Variants in PPP2R5A observed in about 807,000 individuals in gnomAD.
The protein encoded by PPP2R5A is serine/threonine-protein phosphatase 2A 56 kDa regulatory subunit alpha isoform.
In PPP2R5A, 25 loss-of-function variants were observed where a neutral mutation model predicts 64.2. The observed-to-expected ratio is 0.39, with a 90% CI of 0.28 to 0.54. The LOEUF (loss-of-function observed/expected upper bound fraction) is 0.54, where lower values mean the gene tolerates loss of function less well. PPP2R5A is among the 20% of genes least tolerant of loss of function. The pLI is 0.67. For missense variants in PPP2R5A, 425 were observed against 576.3 expected (o/e 0.74, Z 2.69); for synonymous variants, 198 against 201.2 (o/e 0.98, Z 0.13).
At chr1:212,346,216 G>A (rs942191748) in intron 5 of PPP2R5A, among the ~76,000 whole-genome samples, 5 of 151,794 alleles carry the variant, frequency 3.3e-5, no homozygotes, top group African/African-American at 4.8e-5. Flanking sequence ...TATGTACGTA[G>A]TATATATATG....
chr1:212,318,291 GTTTT>G (rs397771144), intron 1 of PPP2R5A, among the ~76,000 whole-genome samples: 2 of 149,282 alleles, frequency 1.3e-5, no homozygotes, highest in Non-Finnish European at 3.0e-5. Flanking sequence ...AGGCATATCT[GTTTT>G]TTTTTTAAGG....
At chr1:212,357,663 C>T (rs1156836373) in intron 11 of PPP2R5A, among the ~76,000 whole-genome samples, 4 of 151,962 alleles carry the variant, frequency 2.6e-5, no homozygotes, top group Non-Finnish European at 4.4e-5. Flanking sequence ...ATTAGCCGGG[C>T]GTGGTGGCGG....
At chr1:212,349,963 G>T (rs980350313) in intron 8 of PPP2R5A, among the ~76,000 whole-genome samples, 6 of 152,184 alleles carry the variant, frequency 3.9e-5, no homozygotes, top group Non-Finnish European at 5.9e-5. Context: ...GGCATGTTCA[G>T]TCTAAATATT....
chr1:212,355,046 A>ATAACTGTATTTGTAG (rs1659955052), intron 8 of PPP2R5A, among the ~76,000 whole-genome samples: 1 of 152,232 alleles, frequency 6.6e-6, no homozygotes, highest in African/African-American at 2.4e-5. Context: ...TAAATGACAT[A>ATAACTGTATTTGTAG]TAACTGTATT....
intron 1 of PPP2R5A, among the ~76,000 whole-genome samples, chr1:212,320,474 C>A (rs766630990): frequency 6.6e-6 from 1 of 152,284 alleles, no homozygotes; most frequent in East Asian, 1.9e-4. Flanking sequence ...ACCTCCCAGA[C>A]GGGGTGGTGG....
chr1:212,342,058 AC>A, intron 3 of PPP2R5A, 129 bp from the exon 4 acceptor site: 1 of 1,338,014 alleles, frequency 7.5e-7, no homozygotes, highest in Non-Finnish European at 9.8e-7. Context: ...TCAACTCATT[AC>A]ATTTTATAAT....
intron 1 of PPP2R5A, chr1:212,309,321 G>C: frequency 6.6e-7 from 1 of 1,519,518 alleles, no homozygotes; most frequent in East Asian, 2.3e-5. Context: ...TGTTTCTCCT[G>C]GGGGCGCTCT....
chr1:212,357,318 T>C, intron 11 of PPP2R5A, 34 bp downstream of exon 11: 1 of 461,268 alleles, frequency 2.2e-6, no homozygotes. Flanking sequence ...TATTTTTTTC[T>C]TTTTTTTTTT....
intron 8 of PPP2R5A, among the ~76,000 whole-genome samples, chr1:212,355,372 T>G (rs990190387): frequency 2.6e-5 from 4 of 152,188 alleles, no homozygotes; most frequent in Non-Finnish European, 5.9e-5. Flanking sequence ...ATTCATCACA[T>G]TGTTATCTTA....
intron 1 of PPP2R5A, among the ~76,000 whole-genome samples, chr1:212,297,096 C>CTTTTTTTTTTTTTTTTTTTTTT (rs869112186): frequency 9.7e-5 from 8 of 82,666 alleles, no homozygotes; most frequent in Non-Finnish European, 1.5e-4. Context: ...TTTGCTTCTT[C>CTTTTTTTTTTTTTTTTTTTTTT]TTTTTTTTTT....
intron 11 of PPP2R5A, 98 bp from the exon 12 acceptor site, chr1:212,358,588 G>A (rs1028524759): frequency 6.4e-5 from 52 of 817,814 alleles, no homozygotes; most frequent in Non-Finnish European, 1.0e-4. Flanking sequence ...TGGATTAAAT[G>A]AAATCAGCCA....
chr1:212,335,279 A>C (rs1454107171), intron 3 of PPP2R5A, among the ~76,000 whole-genome samples: 2 of 152,062 alleles, frequency 1.3e-5, no homozygotes, highest in Non-Finnish European at 2.9e-5. Flanking sequence ...CAGGAGTTCC[A>C]GACCAGCCTA....
chr1:212,353,236 C>T (rs1359909350), intron 8 of PPP2R5A, among the ~76,000 whole-genome samples: 1 of 152,204 alleles, frequency 6.6e-6, no homozygotes, highest in East Asian at 1.9e-4. Context: ...ACCCAGGCTT[C>T]TCCAGCATGG....
rs111478057 is a variant in PPP2R5A, at chr1:212,333,486, T to C, written c.379-11T>C. The C allele has an allele frequency of 1.3e-4, 193 of 1,471,262 alleles. 1 individual carries two copies. In the African/African-American group the frequency reaches 2.4e-3, roughly 18 times the overall value. The allele number at this position is 1,471,262 out of a possible 1,614,324, so 91.1% of individuals were successfully genotyped here. A position where few individuals can be genotyped will look rare whatever the true frequency, so the allele number is the denominator to read the frequency against. The stretch of plus-strand genomic sequence containing the variant: ...TACAACAACGAACGTAAAATTATTT[T>C]TTCTTTACAGATCAGTGCTAACATC... On this transcript the variant is annotated splice_polypyrimidine_tract_variant and intron_variant, in intron 2 of 12. Coordinates refer to ENST00000261461, the MANE Select transcript of PPP2R5A (RefSeq NM_006243.4).
chr1:212,343,209 T>A (rs180904239), intron 4 of PPP2R5A, among the ~76,000 whole-genome samples: 1 of 152,240 alleles, frequency 6.6e-6, no homozygotes, highest in East Asian at 1.9e-4. Context: ...CACCTCAGCC[T>A]CCTAAAGAGC....
intron 11 of PPP2R5A, chr1:212,357,789 C>CAAG (rs1230560839): frequency 2.3e-5 from 3 of 128,684 alleles, no homozygotes; most frequent in Non-Finnish European, 5.0e-5. Flanking sequence ...GGCGACAGAG[C>CAAG]AAGATTCCGT....
chr1:212,319,170 AAATTC>A (rs1399054161), intron 1 of PPP2R5A, among the ~76,000 whole-genome samples: 2 of 152,236 alleles, frequency 1.3e-5, no homozygotes, highest in Non-Finnish European at 2.9e-5. Flanking sequence ...TGTAATAATT[AAATTC>A]AGAGTGACTG....
chr1:212,349,833 T>C (rs1269540622), intron 8 of PPP2R5A, among the ~76,000 whole-genome samples: 1 of 152,190 alleles, frequency 6.6e-6, no homozygotes, highest in Non-Finnish European at 1.5e-5. Context: ...TAATTAGTTA[T>C]GAAAATTTAC....
chr1:212,353,004 A>C (rs1278653170), intron 8 of PPP2R5A: 1 of 513,472 alleles, frequency 1.9e-6, no homozygotes, highest in Non-Finnish European at 3.9e-6. Context: ...GTGAATCCAG[A>C]ATCTGGTCAT....
Sources: gnomAD v4.1 joint callset for allele counts (sites outside exome capture counted in the v4.1 genomes callset) on GRCh38, gnomAD v4.1.1 for gene constraint, MANE v1.5 for transcripts, NCBI Gene and HGNC (gene_info 2026-07-23, HGNC 2026-07-21) for gene names.